Variants in TCF12 observed in about 807,000 individuals in gnomAD.
The protein encoded by TCF12 is transcription factor 12.
In TCF12, 45 loss-of-function variants were observed where a neutral mutation model predicts 86.0. That is an observed-to-expected ratio of 0.52 (90% CI 0.41 to 0.67). TCF12 has a LOEUF of 0.67. TCF12 is among the 30% of genes least tolerant of loss of function. The probability of loss-of-function intolerance (pLI) is 0.00; values close to 1 mark genes in which losing one functional copy is unlikely to be tolerated. For synonymous variants in TCF12, 330 were observed against 299.6 expected (o/e 1.10, Z -1.05); for missense variants, 881 against 859.9 (o/e 1.02, Z -0.31).
chr15:57,256,548 A>ACCCCCT (rs1239883719), intron 16 of TCF12, among the ~76,000 whole-genome samples: 1 of 109,614 alleles, frequency 9.1e-6, no homozygotes, highest in African/African-American at 3.4e-5. Flanking sequence ...TCGATTCCCC[A>ACCCCCT]CCCCCACCCC....
At chr15:56,994,560 A>G (rs2435900) in intron 3 of TCF12, among the ~76,000 whole-genome samples, 1,889 of 152,192 alleles carry the variant, frequency 0.012, 42 homozygotes, top group African/African-American at 0.043. Context: ...GAAAAAAACT[A>G]TTGAAAGCAG....
At chr15:57,051,641 A>C (rs77978791) in intron 3 of TCF12, among the ~76,000 whole-genome samples, 6,284 of 152,210 alleles carry the variant, frequency 0.041, 366 homozygotes, top group African/African-American at 0.13. Context: ...TGACTTCTTA[A>C]GCAGAGAAGA....
At chr15:57,131,007 A>G (rs1042017244) in intron 5 of TCF12, among the ~76,000 whole-genome samples, 1 of 152,106 alleles carries the variant, frequency 6.6e-6, no homozygotes, top group African/African-American at 2.4e-5. Context: ...TTAATTCTGT[A>G]TTCATAGTAG....
chr15:57,193,522 CTG>C (rs2057092887), intron 7 of TCF12, among the ~76,000 whole-genome samples: 1 of 152,210 alleles, frequency 6.6e-6, no homozygotes, highest in African/African-American at 2.4e-5. Flanking sequence ...TTTATCCAAA[CTG>C]TGTTTAAATG....
chr15:57,147,900 A>G (rs1375767926), intron 5 of TCF12, among the ~76,000 whole-genome samples: 1 of 118,776 alleles, frequency 8.4e-6, no homozygotes, highest in Non-Finnish European at 1.7e-5. Context: ...TTTTTTTTTT[A>G]AACAAAGTCT....
intron 18 of TCF12, among the ~76,000 whole-genome samples, chr15:57,271,713 C>A (rs146028727): frequency 6.6e-6 from 1 of 152,298 alleles, no homozygotes; most frequent in African/African-American, 2.4e-5. Flanking sequence ...TCCTATTTGG[C>A]CATCTTGGAA....
chr15:57,199,353 C>T (rs1356948973), intron 8 of TCF12, among the ~76,000 whole-genome samples: 1 of 152,040 alleles, frequency 6.6e-6, no homozygotes, highest in African/African-American at 2.4e-5. Context: ...AAACATGTAG[C>T]AGTGCAATTT....
chr15:56,921,716 A>G (rs770028452), intron 3 of TCF12, among the ~76,000 whole-genome samples: 14 of 152,044 alleles, frequency 9.2e-5, no homozygotes, highest in Non-Finnish European at 1.9e-4. Flanking sequence ...CCAACTGTCA[A>G]ATCTCTGGGC....
At chr15:57,248,573 TAAGG>T (rs151137423) in intron 13 of TCF12, among the ~76,000 whole-genome samples, 2,023 of 152,214 alleles carry the variant, frequency 0.013, 46 homozygotes, top group African/African-American at 0.042. Context: ...AAAAAAATAA[TAAGG>T]AGAGAAAGAG....
rs2152176566 is a variant in TCF12 at position 57,289,311 on chromosome 15, T to G, written c.*3166T>G. 6.6e-6 allele frequency: 1 copy of G among 152,292 alleles called. No individual in the cohort carries two copies. The highest frequency in any genetic ancestry group is 1.5e-5 in the Non-Finnish European group (1 of 68,022). 9.4% of individuals were successfully genotyped at this position (152,292 alleles called of 1,614,324 possible). On this transcript the variant is annotated 3_prime_UTR_variant, in exon 21 of 21. Coordinates refer to ENST00000333725, the MANE Select transcript of TCF12 (RefSeq NM_207037.2). ...AGCTCTAAGAAGAAAATGTATAATCTTAGAGCTGAAATAAAATATAGAGAC... is the reference window on the plus strand; with the variant it reads ...AGCTCTAAGAAGAAAATGTATAATCGTAGAGCTGAAATAAAATATAGAGAC...
intron 3 of TCF12, among the ~76,000 whole-genome samples, chr15:57,021,477 A>C (rs750012854): frequency 3.3e-5 from 5 of 152,214 alleles, no homozygotes; most frequent in Non-Finnish European, 5.9e-5. Flanking sequence ...TAGCATACAG[A>C]TGTGGGTCAG....
chr15:57,282,381 T>G (rs2152134553), intron 19 of TCF12, 64 bp from the exon 20 acceptor site: 1 of 1,594,874 alleles, frequency 6.3e-7, no homozygotes, highest in South Asian at 1.1e-5. Flanking sequence ...AGCAATTTGT[T>G]CAGCTTGAGA....
chr15:57,281,504 G>GAACGAACA (rs2061688709), intron 19 of TCF12: 6 of 152,180 alleles, frequency 3.9e-5, no homozygotes, highest in Admixed American at 3.9e-4. Context: ...ACGAACGAAC[G>GAACGAACA]GGCTGGCTGC....
At chr15:57,054,093 TAAGGAAAATATGA>T (rs1157330326) in intron 3 of TCF12, among the ~76,000 whole-genome samples, 5 of 152,100 alleles carry the variant, frequency 3.3e-5, no homozygotes, top group African/African-American at 4.8e-5. Flanking sequence ...TTTTTAAATA[TAAGGAAAATATGA>T]AAGGAAAATT....
chr15:57,112,833 A>G (rs1162790908), intron 5 of TCF12, among the ~76,000 whole-genome samples: 1 of 152,236 alleles, frequency 6.6e-6, no homozygotes, highest in Non-Finnish European at 1.5e-5. Flanking sequence ...ATGAGTATAA[A>G]AATAGAATAC....
At position 57,286,528 on chromosome 15, in the gene TCF12, C is replaced by T. The variant is rs184308728; in HGVS notation, c.*383C>T. ...ACAAATTTTATTTATTGTTATGAAA[C>T]TGTAAGGTCTACATATAAAGGGAAA... On this transcript the variant is annotated 3_prime_UTR_variant, in exon 21 of 21. Transcript: ENST00000333725. The T allele has an allele frequency of 4.2e-4, 174 of 412,700 alleles. No individual in the cohort carries two copies. The highest frequency in any genetic ancestry group is 5.7e-4 in the Non-Finnish European group (118 of 208,440). 25.6% of individuals were successfully genotyped at this position (412,700 alleles called of 1,614,324 possible).
intron 4 of TCF12, among the ~76,000 whole-genome samples, chr15:57,067,397 G>A (rs960518075): frequency 2.0e-5 from 3 of 151,414 alleles, no homozygotes; most frequent in Non-Finnish European, 4.4e-5. Context: ...AAAATTAGCC[G>A]GGCGTAGTGG....
rs777389544 is a variant in TCF12 at position 57,271,746 on chromosome 15, T to C, written c.1746-1284T>C. Reference sequence around the variant, plus strand: ...GAAGCAACCCACCTCGGCAATGTATTTTTTTTAAGTATTTTGTTTTTGTTT... The same window carrying C: ...GAAGCAACCCACCTCGGCAATGTATCTTTTTTAAGTATTTTGTTTTTGTTT... On this transcript the variant is annotated intron_variant, in intron 18 of 20. Coordinates refer to ENST00000333725, the MANE Select transcript of TCF12 (RefSeq NM_207037.2). Among the ~76,000 whole-genome samples the C allele has an allele frequency of 3.2e-4, 49 of 152,284 alleles. 1 individual carries two copies. The highest frequency in any genetic ancestry group is 6.8e-3 in the Middle Eastern group (2 of 294).
At chr15:57,070,111 A>C (rs1363648986) in intron 4 of TCF12, among the ~76,000 whole-genome samples, 1 of 152,032 alleles carries the variant, frequency 6.6e-6, no homozygotes, top group East Asian at 1.9e-4. Flanking sequence ...AAAGGGGAAA[A>C]CCAGTTGTGT....
Sources: gnomAD v4.1 joint callset for allele counts (sites outside exome capture counted in the v4.1 genomes callset) on GRCh38, gnomAD v4.1.1 for gene constraint, MANE v1.5 for transcripts, NCBI Gene and HGNC (gene_info 2026-07-23, HGNC 2026-07-21) for gene names.